The following BBS9 variants were observed in gnomAD, a reference collection of about 807,000 sequenced individuals.
BBS9 encodes Bardet-Biedl syndrome 9, also known as protein PTHB1.
A neutral mutation model predicts 117.7 loss-of-function variants in BBS9; 89 were observed. The ratio of observed to expected loss-of-function variants is 0.76; its 90% CI spans 0.64 to 0.90. The LOEUF (loss-of-function observed/expected upper bound fraction) is 0.90. Among genes scored for constraint, BBS9 ranks in the 40% least tolerant of loss-of-function variants. BBS9 has a pLI of 0.00. For missense variants in BBS9, 982 were observed against 1,042.2 expected, an observed-to-expected ratio of 0.94 and a Z score of 0.80; for synonymous variants, 379 against 370.9, an observed-to-expected ratio of 1.02 and a Z score of -0.25.
At chr7:33,228,367 GAAATAAAAA>G (rs1429151071) in intron 5 of BBS9, among the ~76,000 whole-genome samples, 1 of 151,814 alleles carries the variant, frequency 6.6e-6, no homozygotes, top group Non-Finnish European at 1.5e-5. Context: ...ATATTAATTT[GAAATAAAAA>G]TCCTTAACAG....
At chr7:33,263,142 T>C (rs1318786232) in intron 6 of BBS9, among the ~76,000 whole-genome samples, 1 of 152,206 alleles carries the variant, frequency 6.6e-6, no homozygotes, top group East Asian at 1.9e-4. Context: ...GTTAAGTTTG[T>C]CATCACCTTC....
At chr7:33,598,944 A>G (rs1863368539) in intron 21 of BBS9, among the ~76,000 whole-genome samples, 1 of 152,166 alleles carries the variant, frequency 6.6e-6, no homozygotes, top group Non-Finnish European at 1.5e-5. Flanking sequence ...TTTAGTAAAT[A>G]AAGTTTTATT....
At chr7:33,574,741 A>G (rs1462733988) in intron 21 of BBS9, among the ~76,000 whole-genome samples, 1 of 151,082 alleles carries the variant, frequency 6.6e-6, no homozygotes, top group East Asian at 1.9e-4. Flanking sequence ...ACACACACAC[A>G]CTTTCACTAT....
intron 21 of BBS9, among the ~76,000 whole-genome samples, chr7:33,571,091 G>A (rs1255671451): frequency 6.6e-6 from 1 of 152,142 alleles, no homozygotes. Flanking sequence ...TTTTACTGTG[G>A]TTATATAAGA....
intron 21 of BBS9, among the ~76,000 whole-genome samples, chr7:33,577,208 G>GA (rs1403547675): frequency 4.0e-5 from 6 of 150,746 alleles, no homozygotes; most frequent in Non-Finnish European, 5.9e-5. Flanking sequence ...AATTTGCAAG[G>GA]AAAAAAAACA....
chr7:33,154,294 A>G (rs758699956), intron 3 of BBS9, among the ~76,000 whole-genome samples: 68 of 152,194 alleles, frequency 4.5e-4, no homozygotes, highest in Admixed American at 1.2e-3. Flanking sequence ...TTTGTAAATA[A>G]GATACTAACA....
At chr7:33,625,786 T>C (rs563300781) in intron 21 of BBS9, among the ~76,000 whole-genome samples, 1 of 152,226 alleles carries the variant, frequency 6.6e-6, no homozygotes, top group Non-Finnish European at 1.5e-5. Flanking sequence ...TGCTTAACTG[T>C]TTACTTAGCC....
intron 5 of BBS9, among the ~76,000 whole-genome samples, chr7:33,236,087 G>T (rs1010509600): frequency 4.6e-5 from 7 of 152,008 alleles, no homozygotes; most frequent in South Asian, 2.1e-4. Flanking sequence ...CAGCACTTTG[G>T]GGGGCTGAGG....
At chr7:33,442,308 G>A (rs548898114) in intron 19 of BBS9, among the ~76,000 whole-genome samples, 1 of 152,284 alleles carries the variant, frequency 6.6e-6, no homozygotes, top group South Asian at 2.1e-4. Context: ...CAAAGACCAG[G>A]AAAGAGATTT....
At chr7:33,446,425 G>T (rs1347541421) in intron 19 of BBS9, among the ~76,000 whole-genome samples, 1 of 151,442 alleles carries the variant, frequency 6.6e-6, no homozygotes, top group Non-Finnish European at 1.5e-5. Context: ...TGTTTTTTTT[G>T]AAAAAGCTTG....
At chr7:33,223,006 A>G (rs1790549626) in intron 5 of BBS9, among the ~76,000 whole-genome samples, 1 of 151,820 alleles carries the variant, frequency 6.6e-6, no homozygotes, top group African/African-American at 2.4e-5. Flanking sequence ...ACTTGTAAGA[A>G]GAATAACAGG....
intron 5 of BBS9, among the ~76,000 whole-genome samples, chr7:33,219,627 G>GTGTGGA (rs1158193627): frequency 6.6e-6 from 1 of 152,152 alleles, no homozygotes; most frequent in Non-Finnish European, 1.5e-5. Flanking sequence ...GAGAACCTTT[G>GTGTGGA]TGTGGACACT....
intron 21 of BBS9, among the ~76,000 whole-genome samples, chr7:33,544,577 T>C (rs1035350408): frequency 2.0e-5 from 3 of 152,144 alleles, no homozygotes; most frequent in Non-Finnish European, 4.4e-5. Context: ...TGGATACCAG[T>C]GCATGTTCTG....
chr7:33,527,416 A>C (rs1469208549), intron 20 of BBS9, among the ~76,000 whole-genome samples: 1 of 149,840 alleles, frequency 6.7e-6, no homozygotes, highest in African/African-American at 2.5e-5. Flanking sequence ...TGGGCGTAGG[A>C]CCCTCCGAGC....
intron 9 of BBS9, among the ~76,000 whole-genome samples, chr7:33,324,112 A>C (rs1405607329): frequency 2.0e-5 from 3 of 152,260 alleles, no homozygotes; most frequent in Non-Finnish European, 4.4e-5. Context: ...TGTTGGGATT[A>C]CAGGCATGAG....
intron 19 of BBS9, among the ~76,000 whole-genome samples, chr7:33,444,700 A>C (rs960755508): frequency 6.6e-6 from 1 of 152,226 alleles, no homozygotes; most frequent in African/African-American, 2.4e-5. Context: ...GTCAAGGCTT[A>C]GTGATCTTAA....
intron 19 of BBS9, among the ~76,000 whole-genome samples, chr7:33,488,143 A>G (rs118003551): frequency 0.021 from 3,144 of 152,180 alleles, 51 homozygotes; most frequent in South Asian, 0.041. Flanking sequence ...GCTTCCTCAT[A>G]TTAATTTTTT....
chr7:33,606,848 TCTC>T (rs1188816410), downstream of BBS9, among the ~76,000 whole-genome samples: 1 of 152,146 alleles, frequency 6.6e-6, no homozygotes, highest in Non-Finnish European at 1.5e-5. Context: ...TTTATTATAT[TCTC>T]CTCGTTTTTG....
intron 21 of BBS9, among the ~76,000 whole-genome samples, chr7:33,624,436 C>T (rs774797561): frequency 8.5e-5 from 13 of 152,132 alleles, no homozygotes; most frequent in Admixed American, 1.3e-4. Context: ...CTAACAATCC[C>T]ATCTGTATCT....
Sources: allele counts gnomAD v4.1 joint callset (sites outside exome capture counted in the v4.1 genomes callset), GRCh38; gene constraint gnomAD v4.1.1; transcripts MANE v1.5; gene names NCBI Gene and HGNC (gene_info 2026-07-23, HGNC 2026-07-21).